PRKCQ: variants seen among roughly 807,000 people sequenced by gnomAD.
The protein encoded by PRKCQ is protein kinase C theta, also known as protein kinase C theta type.
In PRKCQ, 41 loss-of-function variants were observed where a neutral mutation model predicts 91.2. That is an observed-to-expected ratio of 0.45 (90% CI 0.35 to 0.58). The LOEUF (loss-of-function observed/expected upper bound fraction) is 0.58, where lower values mean the gene tolerates loss of function less well. Ranked by LOEUF, PRKCQ falls within the 20% of genes least tolerant of loss-of-function variation. The pLI is 0.00. For missense variants in PRKCQ, 673 were observed against 896.5 expected, an observed-to-expected ratio of 0.75 and a Z score of 3.18; for synonymous variants, 307 against 316.9, an observed-to-expected ratio of 0.97 and a Z score of 0.33.
chr10:6,506,866 C>T (rs1389523612), intron 4 of PRKCQ, among the ~76,000 whole-genome samples: 1 of 152,190 alleles, frequency 6.6e-6, no homozygotes, highest in Non-Finnish European at 1.5e-5. Context: ...CAGCCTGTCT[C>T]AGCACATCGT....
the PRKCQ span, among the ~76,000 whole-genome samples, chr10:6,402,233 G>A: frequency 6.6e-6 from 1 of 152,008 alleles, no homozygotes; most frequent in African/African-American, 2.4e-5. Flanking sequence ...AGCATTAGGA[G>A]AAATACCTAA....
At position 6,507,221 on chromosome 10, in the gene PRKCQ, C is replaced by T. The variant is rs560185126; in HGVS notation, c.379+215G>A. ...GCATATGGATTCACATCACTTAAAACAAGTGCTATAAATGTTTTATATTTC... is the reference window on the plus strand; with the variant it reads ...GCATATGGATTCACATCACTTAAAATAAGTGCTATAAATGTTTTATATTTC... On this transcript the variant is annotated intron_variant, in intron 4 of 17. Transcript: ENST00000263125. 2.0e-5 allele frequency among the ~76,000 whole-genome samples: 3 copies of T among 152,326 alleles called. No homozygotes were observed. In the East Asian group the frequency reaches 5.8e-4, roughly 29 times the overall value.
At chr10:6,424,837 C>G (rs1833078975), downstream of PRKCQ, among the ~76,000 whole-genome samples, 1 of 152,166 alleles carries the variant, frequency 6.6e-6, no homozygotes, top group Admixed American at 6.5e-5. Context: ...TCTGTATCTT[C>G]CAAAAAGAAG....
the PRKCQ span, among the ~76,000 whole-genome samples, chr10:6,418,945 AT>A: frequency 4.6e-5 from 7 of 150,868 alleles, no homozygotes; most frequent in African/African-American, 1.7e-4. Flanking sequence ...CTCTATATCT[AT>A]CTTATCTAAT....
chr10:6,554,634 T>A (rs112679070), intron 1 of PRKCQ, among the ~76,000 whole-genome samples: 255 of 152,222 alleles, frequency 1.7e-3, no homozygotes, highest in African/African-American at 5.7e-3. Flanking sequence ...AAAATGGAAA[T>A]TGTGTTAGGA....
At chr10:6,408,928 T>C in the PRKCQ span, among the ~76,000 whole-genome samples, 1 of 152,212 alleles carries the variant, frequency 6.6e-6, no homozygotes, top group African/African-American at 2.4e-5. Flanking sequence ...ATGTTCAGAT[T>C]CAGTTTTACT....
At chr10:6,522,482 C>G (rs933279032) in intron 1 of PRKCQ, among the ~76,000 whole-genome samples, 3 of 152,102 alleles carry the variant, frequency 2.0e-5, no homozygotes, top group Admixed American at 6.6e-5. Flanking sequence ...ATTCAAACTC[C>G]CAGAATGCGT....
rs551105469 is a variant in PRKCQ, at chr10:6,432,572, C to T, written c.1837-1634G>A. 4.2e-4 allele frequency among the ~76,000 whole-genome samples: 64 copies of T among 152,246 alleles called. 1 individual carries two copies. Among genetic ancestry groups the T allele is most frequent in the African/African-American group, 1.3e-3 (56 of 41,540 alleles). ...AGTACCCAATTAGAAAGCCACTGCA[C>T]GGTGGAAATAACACGACAGCTATCC... On this transcript the variant is annotated intron_variant, in intron 16 of 17. Coordinates refer to ENST00000263125, the MANE Select transcript of PRKCQ (RefSeq NM_006257.5).
At chr10:6,545,793 A>G (rs973822956) in intron 1 of PRKCQ, among the ~76,000 whole-genome samples, 1 of 152,100 alleles carries the variant, frequency 6.6e-6, no homozygotes, top group Non-Finnish European at 1.5e-5. Flanking sequence ...CAGGCAGATC[A>G]CAAGGTGAGG....
At chr10:6,468,621 A>G (rs1835805792) in intron 12 of PRKCQ, among the ~76,000 whole-genome samples, 1 of 152,246 alleles carries the variant, frequency 6.6e-6, no homozygotes, top group South Asian at 2.1e-4. Context: ...GAAAAGAATA[A>G]TTATAGTCAT....
intron 1 of PRKCQ, among the ~76,000 whole-genome samples, chr10:6,552,460 C>CTTTT (rs59752400): frequency 7.3e-6 from 1 of 137,292 alleles, no homozygotes. Context: ...ACCTGTTAGT[C>CTTTT]TTTTTTTTTT....
chr10:6,563,649 C>T (rs541254854), intron 1 of PRKCQ, among the ~76,000 whole-genome samples: 1 of 152,338 alleles, frequency 6.6e-6, no homozygotes, highest in South Asian at 2.1e-4. Flanking sequence ...CATGGGATCA[C>T]ACCGCCTTCT....
intron 1 of PRKCQ, among the ~76,000 whole-genome samples, chr10:6,553,208 A>G (rs1840256595): frequency 6.6e-6 from 1 of 152,180 alleles, no homozygotes; most frequent in African/African-American, 2.4e-5. Context: ...GATCTCCTGG[A>G]CCACACTTTG....
At chr10:6,405,930 G>A in the PRKCQ span, among the ~76,000 whole-genome samples, 2 of 152,242 alleles carry the variant, frequency 1.3e-5, no homozygotes, top group African/African-American at 4.8e-5. Flanking sequence ...GAGACCCTCA[G>A]TGGGAATGAT....
At chr10:6,560,997 C>T (rs1361967232) in intron 1 of PRKCQ, among the ~76,000 whole-genome samples, 1 of 151,128 alleles carries the variant, frequency 6.6e-6, no homozygotes. Flanking sequence ...CGAGATTGCA[C>T]CACTGCACTC....
downstream of PRKCQ, among the ~76,000 whole-genome samples, chr10:6,425,539 A>C (rs1175879847): frequency 6.6e-6 from 1 of 152,048 alleles, no homozygotes; most frequent in Non-Finnish European, 1.5e-5. Context: ...TCACCTATTA[A>C]ATAGGGATAT....
rs1841236215 is a variant in PRKCQ at position 6,576,321 on chromosome 10, G to A, written c.-10+3890C>T. ...AGAAGCAACCATCAACAGATACAAG[G>A]ATAAGCAAAATGTGGTATATCCATA... On this transcript the variant is annotated intron_variant, in intron 1 of 17. Transcript: ENST00000263125. This position sits in a 1 kb window ranked among gnomAD's most constrained non-coding sequence, Gnocchi z 4.2. Among the ~76,000 whole-genome samples the A allele has an allele frequency of 6.6e-6, 1 of 152,178 alleles. No homozygotes were observed. The highest frequency in any genetic ancestry group is 2.4e-5 in the African/African-American group (1 of 41,436).
At chr10:6,437,306 C>T (rs1383188812) in intron 16 of PRKCQ, among the ~76,000 whole-genome samples, 1 of 152,190 alleles carries the variant, frequency 6.6e-6, no homozygotes, top group African/African-American at 2.4e-5. Flanking sequence ...AGAAGTCTCA[C>T]ATGAAAGAGA....
chr10:6,566,339 C>T (rs1840835838), intron 1 of PRKCQ, among the ~76,000 whole-genome samples: 1 of 152,218 alleles, frequency 6.6e-6, no homozygotes, highest in South Asian at 2.1e-4. Flanking sequence ...ACATTAACTA[C>T]AGCCCTAGGA....
Sources: gnomAD v4.1 joint callset for allele counts (sites outside exome capture counted in the v4.1 genomes callset) on GRCh38, gnomAD v4.1.1 for gene constraint, Gnocchi (gnomAD v3.1) non-coding constraint, MANE v1.5 for transcripts, NCBI Gene and HGNC (gene_info 2026-07-23, HGNC 2026-07-21) for gene names.